The following C1orf53 variants were observed in gnomAD, a reference collection of about 807,000 sequenced individuals.
C1orf53 encodes chromosome 1 open reading frame 53.
Under a neutral mutation model 17.5 loss-of-function variants are expected in C1orf53, and 23 were observed. The observed-to-expected ratio is 1.31, with a 90% CI of 0.94 to 1.86. The LOEUF (loss-of-function observed/expected upper bound fraction) is 1.86. C1orf53 is among the 40% of genes most tolerant of loss of function. The pLI is 0.00. For synonymous variants in C1orf53, 108 were observed against 81.9 expected (o/e 1.32, Z -1.72); for missense variants, 255 against 193.2 (o/e 1.32, Z -1.89).
chr1:197,902,981 G>C (rs1659455062), intron 1 of C1orf53, 68 bp downstream of exon 1: 2 of 1,299,206 alleles, frequency 1.5e-6, no homozygotes, highest in East Asian at 3.2e-5. Context: ...TGCGCATCCC[G>C]GGCCTCTCCG....
Position 197,902,847 on chromosome 1 carries a change from T to G in C1orf53, c.198T>G (p.Pro66=), listed in dbSNP as rs1191766326. 7 of 1,550,258 alleles carry G rather than the reference T, an allele frequency of 4.5e-6. No homozygotes were observed. Among genetic ancestry groups the G allele is most frequent in the Non-Finnish European group, 5.2e-6 (6 of 1,155,268 alleles). Residue 66 remains proline (P), a synonymous_variant, in exon 1 of 3, where the codon CCT becomes CCG. Coordinates refer to ENST00000367393, the MANE Select transcript of C1orf53 (RefSeq NM_001024594.3). ...GTAGGCCGGAGAGAGCGGCGAGGCCTTCGGTGAGCGAAGAGTTAACCGCGG... is the reference window on the plus strand; with the variant it reads ...GTAGGCCGGAGAGAGCGGCGAGGCCGTCGGTGAGCGAAGAGTTAACCGCGG... ...TPGRPERAAR[P]SVSEELTAAE... is the part of the protein sequence containing the mutation.
chr1:197,904,222 G>A (rs1659485809), intron 1 of C1orf53, among the ~76,000 whole-genome samples: 3 of 152,148 alleles, frequency 2.0e-5, no homozygotes, highest in Admixed American at 6.5e-5. Flanking sequence ...TCCGGGTACC[G>A]ATGCGCATCA....
Position 197,902,871 on chromosome 1 carries a change from G to A in C1orf53, c.222G>A (p.Ala74=), listed in dbSNP as rs73083807. 5.0e-3 allele frequency: 7,526 copies of A among 1,519,410 alleles called. 321 individuals are homozygous for A. In the African/African-American group the frequency reaches 0.091, roughly 18 times the overall value. 94.1% of individuals were successfully genotyped at this position (1,519,410 alleles called of 1,614,324 possible). A position where few individuals can be genotyped will look rare whatever the true frequency, so the allele number is the denominator to read the frequency against. ...CTTCGGTGAGCGAAGAGTTAACCGC[G>A]GCGGAGCGACAGATCGCGGAGCTGC... is the stretch of plus-strand genomic sequence containing the variant. ...ARPSVSEELT[A]AERQIAELHA... Residue 74 remains alanine, a synonymous_variant, in exon 1 of 3, where the codon GCG becomes GCA. Transcript: ENST00000367393.
intron 2 of C1orf53, among the ~76,000 whole-genome samples, chr1:197,906,696 A>G (rs892983385): frequency 6.6e-6 from 1 of 152,224 alleles, no homozygotes; most frequent in African/African-American, 2.4e-5. Context: ...ACCTCTGTTT[A>G]CAGAACACTT....
At chr1:197,905,504 T>C (rs1214363048) in intron 1 of C1orf53, 1 of 207,534 alleles carries the variant, frequency 4.8e-6, no homozygotes, top group Non-Finnish European at 9.5e-6. Context: ...AGAAACCAAA[T>C]GAAAAATATC....
chr1:197,905,063 CT>C (rs1434667928), intron 1 of C1orf53, among the ~76,000 whole-genome samples: 1 of 152,168 alleles, frequency 6.6e-6, no homozygotes, highest in East Asian at 1.9e-4. Flanking sequence ...TTACTTTTCC[CT>C]TCCCACAAAG....
chr1:197,902,946 G>GCGGCCGCCC, intron 1 of C1orf53, 33 bp downstream of exon 1: 1 of 1,338,686 alleles, frequency 7.5e-7, no homozygotes, highest in Non-Finnish European at 9.5e-7. Flanking sequence ...CCGCCCCGCC[G>GCGGCCGCCC]CGGCCGCCCC....
At chr1:197,903,748 A>C (rs1659476597) in intron 1 of C1orf53, among the ~76,000 whole-genome samples, 1 of 152,196 alleles carries the variant, frequency 6.6e-6, no homozygotes, top group Non-Finnish European at 1.5e-5. Flanking sequence ...AGGTTGCCTA[A>C]AATTGACTTA....
chr1:197,903,796 TGTCG>T (rs1659477591), intron 1 of C1orf53, among the ~76,000 whole-genome samples: 1 of 152,236 alleles, frequency 6.6e-6, no homozygotes, highest in Admixed American at 6.5e-5. Context: ...GAGAATCCAC[TGTCG>T]GTCTGACCCA....
At chr1:197,903,020 G>C in intron 1 of C1orf53, 107 bp downstream of exon 1, 2 of 1,080,084 alleles carry the variant, frequency 1.9e-6, no homozygotes, top group East Asian at 6.7e-5. Context: ...CAGAGGCAAA[G>C]GTTGCTGGAT....
At chr1:197,904,233 C>T (rs922596564) in intron 1 of C1orf53, among the ~76,000 whole-genome samples, 1 of 152,240 alleles carries the variant, frequency 6.6e-6, no homozygotes, top group South Asian at 2.1e-4. Context: ...ATGCGCATCA[C>T]TGAGCATCTT....
In C1orf53 at chr1:197,907,308, A is replaced by G; in HGVS notation, c.*88A>G. On this transcript the variant is annotated 3_prime_UTR_variant, in exon 3 of 3. Coordinates refer to ENST00000367393, the MANE Select transcript of C1orf53 (RefSeq NM_001024594.3). The stretch of plus-strand genomic sequence containing the variant: ...AGAATTGCTGGATTATTAGTACTTG[A>G]ACACTAGTTTAATCCTAAATACATA... The G allele has an allele frequency of 1.5e-6, 1 of 659,734 alleles. No individual in the cohort carries two copies. Among genetic ancestry groups the G allele is most frequent in the Admixed American group, 3.2e-5 (1 of 31,228 alleles). The allele number at this position is 659,734 out of a possible 1,614,324, so 40.9% of individuals were successfully genotyped here.
intron 1 of C1orf53, 66 bp downstream of exon 1, chr1:197,902,979 C>T: frequency 7.7e-7 from 1 of 1,298,412 alleles, no homozygotes; most frequent in Non-Finnish European, 9.8e-7. Context: ...CCTGCGCATC[C>T]CGGGCCTCTC....
chr1:197,903,008 G>A (rs1332265980), intron 1 of C1orf53, 95 bp downstream of exon 1: 22 of 1,181,754 alleles, frequency 1.9e-5, no homozygotes, highest in South Asian at 2.6e-5. Flanking sequence ...GAGGCCGCCC[G>A]GCAGAGGCAA....
chr1:197,904,642 G>A (rs1455796058), intron 1 of C1orf53, among the ~76,000 whole-genome samples: 1 of 152,164 alleles, frequency 6.6e-6, no homozygotes, highest in Non-Finnish European at 1.5e-5. Flanking sequence ...CCCTGGACTT[G>A]GGAAGTCTCT....
chr1:197,903,028 G>A (rs1439155772), intron 1 of C1orf53, 115 bp downstream of exon 1: 9 of 1,012,404 alleles, frequency 8.9e-6, no homozygotes, highest in Non-Finnish European at 1.2e-5. Flanking sequence ...AAGGTTGCTG[G>A]ATACCGGTGC....
intron 2 of C1orf53, 79 bp from the exon 3 acceptor site, chr1:197,907,070 T>A (rs1427244228): frequency 1.2e-6 from 1 of 861,594 alleles, no homozygotes; most frequent in Admixed American, 2.9e-5. Flanking sequence ...AACAGTCTCT[T>A]TTTGTCACCA....
chr1:197,906,740 T>C (rs1282734007), intron 2 of C1orf53, among the ~76,000 whole-genome samples: 1 of 152,202 alleles, frequency 6.6e-6, no homozygotes, highest in Non-Finnish European at 1.5e-5. Context: ...GTAATTTCCT[T>C]TAACTAGCCA....
At chr1:197,907,066 C>T in intron 2 of C1orf53, 83 bp from the exon 3 acceptor site, 1 of 808,312 alleles carries the variant, frequency 1.2e-6, no homozygotes, top group South Asian at 1.8e-5. Context: ...TGTTAACAGT[C>T]TCTTTTTGTC....
Sources: allele counts gnomAD v4.1 joint callset (sites outside exome capture counted in the v4.1 genomes callset), GRCh38; gene constraint gnomAD v4.1.1; transcripts MANE v1.5; gene names NCBI Gene and HGNC (gene_info 2026-07-23, HGNC 2026-07-21).